TOX: variants seen among roughly 807,000 people sequenced by gnomAD.
TOX encodes thymocyte selection associated high mobility group box.
A neutral mutation model predicts 53.7 loss-of-function variants in TOX; 11 were observed. The ratio of observed to expected loss-of-function variants is 0.20; its 90% CI spans 0.13 to 0.34. The LOEUF (loss-of-function observed/expected upper bound fraction) is 0.34, where lower values mean the gene tolerates loss of function less well. TOX is among the 10% of genes least tolerant of loss of function. The pLI, the probability that TOX is intolerant of heterozygous loss-of-function variation, is 1.00. For synonymous variants in TOX, 225 were observed against 245.3 expected, an observed-to-expected ratio of 0.92 and a Z score of 0.77; for missense variants, 570 against 664.6, an observed-to-expected ratio of 0.86 and a Z score of 1.56.
At chr8:58,876,174 A>C (rs1342793891) in intron 3 of TOX, among the ~76,000 whole-genome samples, 1 of 152,118 alleles carries the variant, frequency 6.6e-6, no homozygotes, top group East Asian at 1.9e-4. Flanking sequence ...TTTTAAGAGA[A>C]GATTCTGACA....
intron 1 of TOX, among the ~76,000 whole-genome samples, chr8:59,076,561 A>C (rs1019213005): frequency 6.6e-6 from 1 of 152,218 alleles, no homozygotes; most frequent in African/African-American, 2.4e-5. Context: ...ATCTTCCTCT[A>C]TTCCTCAGAG....
intron 3 of TOX, among the ~76,000 whole-genome samples, chr8:58,881,595 G>T (rs184500346): frequency 6.3e-4 from 95 of 151,986 alleles, no homozygotes; most frequent in African/African-American, 2.0e-3. Flanking sequence ...GTGGTGGCAC[G>T]TGCCTGTAGT....
At chr8:58,826,050 T>C (rs1810359664) in intron 6 of TOX, among the ~76,000 whole-genome samples, 1 of 152,162 alleles carries the variant, frequency 6.6e-6, no homozygotes, top group Non-Finnish European at 1.5e-5. Context: ...TGTATTTTCC[T>C]CAATAAAACA....
chr8:58,964,365 C>T lies in TOX; in HGVS notation c.103-4357G>A, dbSNP rs146323734. Among the ~76,000 whole-genome samples, 631 of 152,248 alleles carry T rather than the reference C, an allele frequency of 4.1e-3. 3 individuals are homozygous for T. The highest frequency in any genetic ancestry group is 6.3e-3 in the Non-Finnish European group (431 of 68,014). On this transcript the variant is annotated intron_variant, in intron 1 of 8. Transcript: ENST00000361421. The stretch of plus-strand genomic sequence containing the variant: ...TGAAATCTCGTGGTTGGACACACTC[C>T]AGGGCCCAGGTGAGAAGAGTAAGCC...
chr8:58,981,704 T>C (rs567122160), intron 1 of TOX, among the ~76,000 whole-genome samples: 1 of 152,296 alleles, frequency 6.6e-6, no homozygotes, highest in South Asian at 2.1e-4. Flanking sequence ...TTTCTCTTAC[T>C]GCACAGAAAA....
intron 2 of TOX, among the ~76,000 whole-genome samples, chr8:58,944,216 T>A (rs897657604): frequency 3.3e-5 from 5 of 152,122 alleles, no homozygotes; most frequent in African/African-American, 1.2e-4. Flanking sequence ...GGAAGCAGGA[T>A]CCCAGCGCCA....
At chr8:59,054,522 A>G (rs1265109141) in intron 1 of TOX, among the ~76,000 whole-genome samples, 1 of 152,212 alleles carries the variant, frequency 6.6e-6, no homozygotes, top group Non-Finnish European at 1.5e-5. Context: ...TACAGGCAAG[A>G]AAGGTTTGGA....
intron 3 of TOX, among the ~76,000 whole-genome samples, chr8:58,920,721 T>TAAAAAAAAAAAAAAAAAAAAAAAAAGA (rs5891703): frequency 1.2e-5 from 1 of 81,068 alleles, no homozygotes; most frequent in Non-Finnish European, 2.2e-5. Context: ...AAAAAAACAT[T>TAAAAAAAAAAAAAAAAAAAAAAAAAGA]AAAAAAAAAA....
intron 1 of TOX, among the ~76,000 whole-genome samples, chr8:59,055,245 T>C (rs1358362240): frequency 6.6e-6 from 1 of 152,180 alleles, no homozygotes; most frequent in Non-Finnish European, 1.5e-5. Flanking sequence ...CAAGCACTGT[T>C]GTAAAGCAAT....
intron 1 of TOX, among the ~76,000 whole-genome samples, chr8:59,029,203 GGAATATA>G (rs1223714894): frequency 7.9e-5 from 12 of 151,938 alleles, no homozygotes; most frequent in African/African-American, 2.9e-4. Context: ...TTAGTTAGAT[GGAATATA>G]GATATAGTCC....
chr8:59,080,022 G>T (rs180867170), intron 1 of TOX, among the ~76,000 whole-genome samples: 2 of 147,560 alleles, frequency 1.4e-5, no homozygotes, highest in Non-Finnish European at 3.0e-5. Flanking sequence ...TCCCTCTGTC[G>T]CCCAGGCTGG....
chr8:59,085,986 T>C lies in TOX; in HGVS notation c.102+32900A>G, dbSNP rs71521923. Among the ~76,000 whole-genome samples the C allele has an allele frequency of 9.4e-3, 1,289 of 137,198 alleles. 2 individuals are homozygous for C. The highest frequency in any genetic ancestry group is 0.022 in the South Asian group (95 of 4,348). 90.0% of individuals were successfully genotyped at this position (137,198 alleles called of 152,430 possible). On this transcript the variant is annotated intron_variant, in intron 1 of 8. Transcript: ENST00000361421. ...TTCTTTTTCTTTTCTTTTCTTTTTT[T>C]TTTTTTTTTTTTTTTTGAGACAGAG... is the stretch of plus-strand genomic sequence containing the variant.
chr8:59,060,691 A>T (rs1402742312), intron 1 of TOX, among the ~76,000 whole-genome samples: 2 of 152,182 alleles, frequency 1.3e-5, no homozygotes, highest in Admixed American at 6.5e-5. Flanking sequence ...TAGTACTAAT[A>T]GCCAATGTTT....
intron 3 of TOX, among the ~76,000 whole-genome samples, chr8:58,937,958 G>A (rs1005290808): frequency 2.0e-5 from 3 of 152,058 alleles, no homozygotes; most frequent in Admixed American, 6.5e-5. Context: ...CATTTAGCAC[G>A]TTAAAAAAAA....
intron 3 of TOX, among the ~76,000 whole-genome samples, chr8:58,932,257 C>T (rs950209779): frequency 6.8e-6 from 1 of 148,082 alleles, no homozygotes; most frequent in Admixed American, 6.9e-5. Context: ...TTGGGTTCTG[C>T]GATATTCAAA....
rs759507736 is a variant in TOX, at chr8:58,838,150, G to A, written c.855C>T (p.Asn285=). The change falls in exon 5 of 9, where the codon AAC becomes AAT. Residue 285 remains asparagine, a synonymous_variant. Coordinates refer to ENST00000361421, the MANE Select transcript of TOX (RefSeq NM_014729.3). ...TTTTAGAGACTTCGCCAAAGGTAGC[G>A]TTTGGATTTTGGCCCTTGATGGCGG... ...TQAAIKGQNP[N]ATFGEVSKIV... is the part of the protein sequence containing the mutation. 51 of 1,614,076 alleles carry A rather than the reference G, an allele frequency of 3.2e-5. No individual in the cohort carries two copies. The highest frequency in any genetic ancestry group is 1.0e-4 in the Admixed American group (6 of 60,006).
At chr8:58,934,341 T>C (rs1356404369) in intron 3 of TOX, among the ~76,000 whole-genome samples, 1 of 152,200 alleles carries the variant, frequency 6.6e-6, no homozygotes, top group Non-Finnish European at 1.5e-5. Flanking sequence ...ACTCTATGTA[T>C]GCTGCACCCC....
intron 2 of TOX, among the ~76,000 whole-genome samples, chr8:58,950,680 A>G (rs888785487): frequency 3.3e-5 from 5 of 152,180 alleles, no homozygotes; most frequent in African/African-American, 1.2e-4. Context: ...TGGGATTTCT[A>G]GGAAAGAGTG....
chr8:58,888,680 A>T lies in TOX; in HGVS notation c.412-36875T>A, dbSNP rs576620812. ...TAAAACACTTGAAAAAAATCACAAC[A>T]GCAGAATATTAGTATAGGAATAAAA... On this transcript the variant is annotated intron_variant, in intron 3 of 8. Transcript: ENST00000361421. Among the ~76,000 whole-genome samples the T allele has an allele frequency of 3.9e-5, 6 of 152,100 alleles. No homozygotes were observed. In the East Asian group the frequency reaches 1.2e-3, roughly 29 times the overall value.
Sources: gnomAD v4.1 joint callset for allele counts (sites outside exome capture counted in the v4.1 genomes callset) on GRCh38, gnomAD v4.1.1 for gene constraint, MANE v1.5 for transcripts, NCBI Gene and HGNC (gene_info 2026-07-23, HGNC 2026-07-21) for gene names.